CFAP91: variants seen among roughly 807,000 people sequenced by gnomAD.
CFAP91 encodes the protein cilia and flagella associated protein 91, also known as cilia- and flagella-associated protein 91.
Under a neutral mutation model 95.9 loss-of-function variants are expected in CFAP91, and 85 were observed. The ratio of observed to expected loss-of-function variants is 0.89; its 90% CI spans 0.74 to 1.06. The LOEUF is 1.06. Ranked by LOEUF, CFAP91 falls within the 50% of genes least tolerant of loss-of-function variation. CFAP91 has a pLI of 0.00. For missense variants in CFAP91, 962 were observed against 943.4 expected (o/e 1.02, Z -0.26); for synonymous variants, 335 against 327.5 (o/e 1.02, Z -0.25).
chr3:119,741,829 A>G (rs1388525226), intron 13 of CFAP91, among the ~76,000 whole-genome samples: 3 of 152,174 alleles, frequency 2.0e-5, no homozygotes, highest in Non-Finnish European at 4.4e-5. Flanking sequence ...TGTTTCTTTC[A>G]CATGACAGCA....
At chr3:119,748,774 T>A (rs1176276239) in intron 16 of CFAP91, among the ~76,000 whole-genome samples, 1 of 152,238 alleles carries the variant, frequency 6.6e-6, no homozygotes, top group Non-Finnish European at 1.5e-5. Flanking sequence ...GCATTTAGTT[T>A]GTTTCCAGTT....
rs1484665806 is a variant in CFAP91 at position 119,740,602 on chromosome 3, C to T, written c.1587C>T (p.Cys529=). The change falls in exon 13 of 18, where the codon TGC becomes TGT. Residue 529 remains cysteine (C), a synonymous_variant. Coordinates refer to ENST00000273390, the MANE Select transcript of CFAP91 (RefSeq NM_033364.4). ...RLELIQELRT[C]HALQEDEKLV... The stretch of plus-strand genomic sequence containing the variant: ...AGTTGATCCAGGAGTTGCGCACCTG[C>T]CACGCACTACAAGAAGATGAAAAGC... The T allele has an allele frequency of 1.2e-6, 2 of 1,614,018 alleles. No homozygotes were observed. Among genetic ancestry groups the T allele is most frequent in the African/African-American group, 2.7e-5 (2 of 74,894 alleles).
In CFAP91 at chr3:119,746,614, G is replaced by A. The variant is rs993311345; in HGVS notation, c.1903-501G>A. Among the ~76,000 whole-genome samples the A allele has an allele frequency of 3.3e-5, 5 of 152,186 alleles. No homozygotes were observed. The South Asian group carries it at 6.2e-4, about 19-fold the overall frequency. On this transcript the variant is annotated intron_variant, in intron 14 of 17. Coordinates refer to ENST00000273390, the MANE Select transcript of CFAP91 (RefSeq NM_033364.4). ...TAAGAATCCTTTCTTTGGTCAGAAC[G>A]TGGTCATATGGGCAATCCAGCTCCT...
intron 7 of CFAP91, among the ~76,000 whole-genome samples, chr3:119,727,255 A>G (rs2053800644): frequency 6.6e-6 from 1 of 152,172 alleles, no homozygotes; most frequent in Non-Finnish European, 1.5e-5. Context: ...ATTTTTTGCA[A>G]CACCTTCAGA....
chr3:119,733,564 T>C, intron 10 of CFAP91, 58 bp downstream of exon 10: 1 of 1,565,080 alleles, frequency 6.4e-7, no homozygotes, highest in Admixed American at 1.8e-5. Flanking sequence ...AGATAAATGC[T>C]ACACTCCAAA....
intron 17 of CFAP91, among the ~76,000 whole-genome samples, chr3:119,755,679 CTATGG>C (rs2054414299): frequency 6.6e-6 from 1 of 152,232 alleles, no homozygotes; most frequent in South Asian, 2.1e-4. Flanking sequence ...GCTATCCAAT[CTATGG>C]TATTTTGTTA....
chr3:119,703,795 G>T (rs1438362487), intron 1 of CFAP91, among the ~76,000 whole-genome samples: 1 of 151,804 alleles, frequency 6.6e-6, no homozygotes, highest in African/African-American at 2.4e-5. Context: ...CTCTCTCCAC[G>T]CTCCTTGAGT....
chr3:119,751,190 G>A, intron 17 of CFAP91, 92 bp downstream of exon 17: 1 of 1,366,574 alleles, frequency 7.3e-7, no homozygotes, highest in Non-Finnish European at 9.8e-7. Context: ...ATCATAATGT[G>A]AAGATTGCTG....
rs201212862 is a variant in CFAP91, at chr3:119,732,348, G to A, written c.1073G>A (p.Arg358Lys). The change falls in exon 9 of 18, where the codon AGA becomes AAA. Residue 358 changes from arginine (R) to lysine (K), a missense_variant. Transcript: ENST00000273390. ...AATATAGAAGGGAAGTTGGAGAGAA[G>A]AAATATCATCAAGGATTATTCTGAT... The part of the protein sequence containing the change: ...RKNIEGKLER[R>K]NIIKDYSDYA... The A allele has an allele frequency of 1.4e-4, 229 of 1,611,618 alleles. 1 individual carries two copies. The highest frequency in any genetic ancestry group is 5.5e-4 in the South Asian group (50 of 90,586).
rs766267895 is a variant in CFAP91, at chr3:119,703,120, G to C, written c.22G>C (p.Glu8Gln). 208 of 1,565,438 alleles carry C rather than the reference G, an allele frequency of 1.3e-4. No individual in the cohort carries two copies. The highest frequency in any genetic ancestry group is 1.7e-4 in the Non-Finnish European group (198 of 1,154,508). The change falls in exon 1 of 18, where the codon GAG becomes CAG. Residue 8 changes from glutamate (E) to glutamine (Q), a missense_variant. Physicochemically the swap from Glu to Gln is conservative, Grantham distance 29. Coordinates refer to ENST00000273390, the MANE Select transcript of CFAP91 (RefSeq NM_033364.4). Reference sequence around the variant, plus strand: ...CACCATGAGCCACGCAGTAACCATCGAGGAGCCCCAGGCCCAGCCGCAGGT... The same window carrying C: ...CACCATGAGCCACGCAGTAACCATCCAGGAGCCCCAGGCCCAGCCGCAGGT... Reference protein sequence around the residue: MSHAVTIEEPQAQPQVSQ... With the variant: MSHAVTIQEPQAQPQVSQ...
intron 13 of CFAP91, among the ~76,000 whole-genome samples, chr3:119,742,366 A>G (rs950907115): frequency 6.6e-6 from 1 of 152,182 alleles, no homozygotes; most frequent in African/African-American, 2.4e-5. Flanking sequence ...TTCTGTGGAA[A>G]ACAGTCCAGA....
chr3:119,751,116 C>T lies in CFAP91; in HGVS notation c.*1+18C>T, dbSNP rs568022745. On this transcript the variant is annotated intron_variant, in intron 17 of 17. Coordinates refer to ENST00000273390, the MANE Select transcript of CFAP91 (RefSeq NM_033364.4). ...CAGCTAAGGTGAGTTTGATTTTCCA[C>T]CAGGAAAAAAAGCAGAGAAAGGAAG... 2 of 1,576,160 alleles carry T rather than the reference C, an allele frequency of 1.3e-6. No homozygotes were observed. The highest frequency in any genetic ancestry group is 1.4e-5 in the African/African-American group (1 of 72,856).
intron 1 of CFAP91, 155 bp from the exon 2 acceptor site, chr3:119,706,654 A>G: frequency 5.0e-6 from 3 of 596,386 alleles, no homozygotes; most frequent in Non-Finnish European, 9.0e-6. Context: ...TAACAGGGCC[A>G]CATGCACAAC....
chr3:119,747,596 T>G (rs2054247126), intron 15 of CFAP91: 1 of 581,756 alleles, frequency 1.7e-6, no homozygotes, highest in Non-Finnish European at 3.0e-6. Flanking sequence ...CAACATTCCC[T>G]TCCTGGCAGG....
At chr3:119,708,781 CTATTT>C (rs2053422476) in intron 4 of CFAP91, 107 bp downstream of exon 4, 6 of 660,162 alleles carry the variant, frequency 9.1e-6, no homozygotes, top group Middle Eastern at 4.1e-4. Flanking sequence ...GTGCCAGACT[CTATTT>C]TAAGTGCTTT....
intron 17 of CFAP91, among the ~76,000 whole-genome samples, chr3:119,761,169 A>C (rs1227212914): frequency 6.6e-6 from 1 of 151,832 alleles, no homozygotes; most frequent in African/African-American, 2.4e-5. Context: ...GGAAAATCAG[A>C]AGTGAAAGAG....
In CFAP91 at chr3:119,740,804, C is replaced by T. The variant is rs774257776; in HGVS notation, c.1680+109C>T. On this transcript the variant is annotated intron_variant, in intron 13 of 17. Coordinates refer to ENST00000273390, the MANE Select transcript of CFAP91 (RefSeq NM_033364.4). ...AATTAATGAAATGATGAAAAAGAAA[C>T]AGCCCCACAATCCCATCACTCTGTC... is the stretch of plus-strand genomic sequence containing the variant. 6 of 1,234,424 alleles carry T rather than the reference C, an allele frequency of 4.9e-6. No individual in the cohort carries two copies. The South Asian group carries it at 6.5e-5, about 13-fold the overall frequency. The allele number at this position is 1,234,424 out of a possible 1,614,324, so 76.5% of individuals were successfully genotyped here.
Position 119,726,157 on chromosome 3 carries a change from G to T in CFAP91, c.683-14G>T. On this transcript the variant is annotated splice_polypyrimidine_tract_variant and intron_variant, in intron 6 of 17. Coordinates refer to ENST00000273390, the MANE Select transcript of CFAP91 (RefSeq NM_033364.4). ...AGCTCACTTGTTCCTAAGCTGTGCT[G>T]CTTTATCCTGCAGGTCGGGGTCTCC... The T allele has an allele frequency of 6.2e-7, 1 of 1,600,788 alleles. No individual in the cohort carries two copies. Among genetic ancestry groups the T allele is most frequent in the Non-Finnish European group, 8.5e-7 (1 of 1,174,506 alleles).
chr3:119,762,050 G>A (rs530774383), intron 17 of CFAP91, among the ~76,000 whole-genome samples: 4 of 151,926 alleles, frequency 2.6e-5, no homozygotes, highest in African/African-American at 9.6e-5. Flanking sequence ...AAGTTAAATT[G>A]TTTTTCTTTG....
Sources: gnomAD v4.1 joint callset for allele counts (sites outside exome capture counted in the v4.1 genomes callset) on GRCh38, gnomAD v4.1.1 for gene constraint, MANE v1.5 for transcripts, NCBI Gene and HGNC (gene_info 2026-07-23, HGNC 2026-07-21) for gene names.